PKD1: variants seen among roughly 807,000 people sequenced by gnomAD.
PKD1 encodes polycystin-1.
In PKD1, 81 loss-of-function variants were observed where a neutral mutation model predicts 361.7. That is an observed-to-expected ratio of 0.22 (90% CI 0.19 to 0.27). The LOEUF (loss-of-function observed/expected upper bound fraction) is 0.27. Among genes scored for constraint, PKD1 ranks in the 10% least tolerant of loss-of-function variants. The pLI is 1.00. For synonymous variants in PKD1, 3,615 were observed against 2,818.3 expected (o/e 1.28, Z -8.95); for missense variants, 6,399 against 6,118.3 (o/e 1.05, Z -1.53).
chr16:2,093,526 G>C lies in PKD1; in HGVS notation c.11016+18C>G, dbSNP rs1272485690. 3 of 1,585,396 alleles carry C rather than the reference G, an allele frequency of 1.9e-6. No individual in the cohort carries two copies. The Admixed American group carries it at 5.3e-5, about 28-fold the overall frequency. On this transcript the variant is annotated intron_variant, in intron 37 of 45. Coordinates refer to ENST00000262304, the MANE Select transcript of PKD1 (RefSeq NM_001009944.3). ...AAGAGACGGAGGTGGCAGGGGCACAGGCCGCACCCAGGCTCACCCGCAGCA... is the reference window on the plus strand; with the variant it reads ...AAGAGACGGAGGTGGCAGGGGCACACGCCGCACCCAGGCTCACCCGCAGCA...
intron 38 of PKD1, 49 bp from the exon 39 acceptor site, chr16:2,092,641 C>T: frequency 7.5e-7 from 1 of 1,334,242 alleles, no homozygotes; most frequent in Admixed American, 1.9e-5. Context: ...CCCATGCCCG[C>T]CTCGAGTGAG....
rs2091471365 is a variant in PKD1 at position 2,090,756 on chromosome 16, A to G, written c.12056T>C (p.Leu4019Ser). Reference sequence around the variant, plus strand: ...CAGGAGCTCTGGCAGAGCTCGGCATAATGTCTTGCCAAAGACGGACCACTG... The same window carrying G: ...CAGGAGCTCTGGCAGAGCTCGGCATGATGTCTTGCCAAAGACGGACCACTG... Reference protein sequence around the residue: ...VRQWSVFGKTLCRALPELLGV... With the variant: ...VRQWSVFGKTSCRALPELLGV... The change falls in exon 44 of 46, where the codon TTA becomes TCA. Residue 4019 changes from leucine to serine, a missense_variant. Leu to Ser is a moderately radical substitution (Grantham distance 145, BLOSUM62 -2). Transcript: ENST00000262304. 6.2e-7 allele frequency: 1 copy of G among 1,612,568 alleles called. No homozygotes were observed. The highest frequency in any genetic ancestry group is 8.5e-7 in the Non-Finnish European group (1 of 1,179,938).
At chr16:2,091,931 G>A (rs1220005272) in intron 40 of PKD1, 25 bp from the exon 41 acceptor site, 8 of 1,611,452 alleles carry the variant, frequency 5.0e-6, no homozygotes, top group South Asian at 2.2e-5. Context: ...TGGCGTGGGT[G>A]CCGCACCCCA....
chr16:2,109,457 G>C lies in PKD1; in HGVS notation c.5710C>G (p.Leu1904Val). The C allele has an allele frequency of 8.1e-6, 13 of 1,607,476 alleles. No individual in the cohort carries two copies. Among genetic ancestry groups the C allele is most frequent in the Non-Finnish European group, 1.1e-5 (13 of 1,179,506 alleles). The part of the protein sequence containing the change: ...ASSKVVAPGQ[L>V]VHFQILLAAG... ...GCCAGCAGGATCTGAAAATGGACCA[G>C]CTGCCCGGGCGCCACCACCTTGCTG... Residue 1904 changes from leucine (L) to valine (V), a missense_variant, in exon 15 of 46, where the codon CTG (leucine) becomes GTG (valine). Coordinates refer to ENST00000262304, the MANE Select transcript of PKD1 (RefSeq NM_001009944.3).
intron 34 of PKD1, chr16:2,095,350 T>C (rs1183230407): frequency 6.6e-6 from 1 of 152,114 alleles, no homozygotes; most frequent in African/African-American, 2.4e-5. Flanking sequence ...GAGGCAGACT[T>C]TGCAGTGAGC....
At position 2,110,333 on chromosome 16, in the gene PKD1, T is replaced by A. The variant is rs1181800778; in HGVS notation, c.4834A>T (p.Thr1612Ser). The A allele has an allele frequency of 1.9e-6, 3 of 1,612,454 alleles. No homozygotes were observed. Among genetic ancestry groups the A allele is most frequent in the African/African-American group, 2.7e-5 (2 of 74,892 alleles). Residue 1612 changes from threonine (T) to serine (S), a missense_variant, in exon 15 of 46, where the codon ACG becomes TCG. Transcript: ENST00000262304. Reference sequence around the variant, plus strand: ...GCGGAGCCCACCTCGTTCTCAGCCGTGACGATGATATTGAAGGTGCCCACG... The same window carrying A: ...GCGGAGCCCACCTCGTTCTCAGCCGAGACGATGATATTGAAGGTGCCCACG... ...RSVGTFNIIV[T>S]AENEVGSAQD...
intron 1 of PKD1, among the ~76,000 whole-genome samples, chr16:2,124,367 C>T (rs1173077234): frequency 6.6e-6 from 1 of 152,252 alleles, no homozygotes; most frequent in Non-Finnish European, 1.5e-5. Flanking sequence ...GGCGCTGGCT[C>T]TCCTGCCCTC....
At chr16:2,101,477 T>C (rs1428476189) in intron 26 of PKD1, among the ~76,000 whole-genome samples, 1 of 151,846 alleles carries the variant, frequency 6.6e-6, no homozygotes, top group South Asian at 2.1e-4. Flanking sequence ...ATTAACTGGG[T>C]GTGGTGGTGT....
chr16:2,124,621 T>A (rs2092770814), intron 1 of PKD1, among the ~76,000 whole-genome samples: 1 of 152,148 alleles, frequency 6.6e-6, no homozygotes, highest in Non-Finnish European at 1.5e-5. Flanking sequence ...AGTCTCACAC[T>A]CAGAGCTGAG....
At position 2,090,599 on chromosome 16, in the gene PKD1, A is replaced by T. The variant is rs1224420804; in HGVS notation, c.12139-9T>A. 6.2e-7 allele frequency: 1 copy of T among 1,608,532 alleles called. No homozygotes were observed. The highest frequency in any genetic ancestry group is 1.3e-5 in the African/African-American group (1 of 75,000). ...ACACAGGAAGACACGAGCTGCGGGG[A>T]AGGCGACACCAGTGAGGGCGTACAG... On this transcript the variant is annotated splice_polypyrimidine_tract_variant and intron_variant, in intron 44 of 45. Coordinates refer to ENST00000262304, the MANE Select transcript of PKD1 (RefSeq NM_001009944.3).
Position 2,108,352 on chromosome 16 carries a change from C to T in PKD1, c.6815G>A (p.Arg2272Gln), listed in dbSNP as rs766392712. The T allele has an allele frequency of 5.5e-5, 88 of 1,609,468 alleles. No individual in the cohort carries two copies. Among genetic ancestry groups the T allele is most frequent in the Middle Eastern group, 2.2e-4 (1 of 4,448 alleles). ...CTCGCTCCCATCCAGCACCAGGTCC[C>T]GTGTGTCTGACCACACGCGGTATGA... ...GGSYRVWSDT[R>Q]DLVLDGSESY... The change falls in exon 15 of 46, where the codon CGG becomes CAG. Residue 2272 changes from arginine to glutamine, a missense_variant. Physicochemically the swap from Arg to Gln is conservative, Grantham distance 43. Coordinates refer to ENST00000262304, the MANE Select transcript of PKD1 (RefSeq NM_001009944.3).
chr16:2,120,521 G>A (rs2092704159), intron 1 of PKD1, among the ~76,000 whole-genome samples: 1 of 152,124 alleles, frequency 6.6e-6, no homozygotes, highest in African/African-American at 2.4e-5. Flanking sequence ...GGACAGCATA[G>A]CAAGACCCCA....
Position 2,100,940 on chromosome 16 carries a change from A to C in PKD1, c.9398-374T>G, listed in dbSNP as rs2092070749. On this transcript the variant is annotated intron_variant, in intron 26 of 45. Coordinates refer to ENST00000262304, the MANE Select transcript of PKD1 (RefSeq NM_001009944.3). The surrounding 1 kb of genome is among the most constrained non-coding windows in gnomAD (Gnocchi z 4.4). Reference sequence around the variant, plus strand: ...GTTCATGCACAGACTGCAAAGCGTGAAGCTGTGTCACCTCCTCTCCCAGTG... The same window carrying C: ...GTTCATGCACAGACTGCAAAGCGTGCAGCTGTGTCACCTCCTCTCCCAGTG... Among the ~76,000 whole-genome samples, 1 of 152,028 alleles carries C rather than the reference A, an allele frequency of 6.6e-6. No individual in the cohort carries two copies. The highest frequency in any genetic ancestry group is 1.5e-5 in the Non-Finnish European group (1 of 68,012).
chr16:2,103,000 G>A (rs1156433454), intron 23 of PKD1, 30 bp from the exon 24 acceptor site: 2 of 1,598,602 alleles, frequency 1.3e-6, no homozygotes, highest in Non-Finnish European at 8.5e-7. Flanking sequence ...TCACACGCCT[G>A]CCGGGAAGCT....
At chr16:2,101,683 A>G (rs1310053149) in intron 26 of PKD1, among the ~76,000 whole-genome samples, 2 of 152,246 alleles carry the variant, frequency 1.3e-5, no homozygotes, top group East Asian at 3.8e-4. Context: ...AGGAAAATGG[A>G]GGTACTGAAG....
At position 2,104,481 on chromosome 16, in the gene PKD1, G is replaced by A. The variant is rs772619663; in HGVS notation, c.8161+17C>T. On this transcript the variant is annotated intron_variant, in intron 22 of 45. Coordinates refer to ENST00000262304, the MANE Select transcript of PKD1 (RefSeq NM_001009944.3). ...CGCACGGGGCGGGCGGGTGGCATGGGGCACGGGCCGCGGCACCTGTGATGT... is the reference window on the plus strand; with the variant it reads ...CGCACGGGGCGGGCGGGTGGCATGGAGCACGGGCCGCGGCACCTGTGATGT... 8.7e-6 allele frequency: 13 copies of A among 1,501,232 alleles called. No individual in the cohort carries two copies. Among genetic ancestry groups the A allele is most frequent in the Admixed American group, 1.9e-5 (1 of 51,528 alleles). The allele number at this position is 1,501,232 out of a possible 1,614,324, so 93.0% of individuals were successfully genotyped here. A position where few individuals can be genotyped will look rare whatever the true frequency, so the allele number is the denominator to read the frequency against.
At chr16:2,128,737 C>T (rs904322807) in intron 1 of PKD1, among the ~76,000 whole-genome samples, 7 of 152,178 alleles carry the variant, frequency 4.6e-5, no homozygotes, top group African/African-American at 1.7e-4. Flanking sequence ...CAGAGTTTCA[C>T]TCTGTCTCCC....
At chr16:2,105,195 G>A (rs1009108203) in intron 21 of PKD1, 127 bp downstream of exon 21, 32 of 896,260 alleles carry the variant, frequency 3.6e-5, no homozygotes, top group African/African-American at 2.2e-4. Flanking sequence ...ACCGAGGAAC[G>A]CCATGGCAGG....
chr16:2,111,571 C>T lies in PKD1; in HGVS notation c.3596G>A (p.Gly1199Asp), dbSNP rs1180647690. ...GCGCACATCCGCCTGGGCCGCCGCA[C>T]CGCTCACCGTGTTGTTGACCTCCAG... ...VRLEVNNTVSGAAAQADVRVF... is the reference protein window; with the variant it reads ...VRLEVNNTVSDAAAQADVRVF... The change falls in exon 15 of 46, where the codon GGT (glycine) becomes GAT (aspartate). Residue 1199 changes from glycine to aspartate, a missense_variant. Coordinates refer to ENST00000262304, the MANE Select transcript of PKD1 (RefSeq NM_001009944.3). 3 of 1,578,062 alleles carry T rather than the reference C, an allele frequency of 1.9e-6. No individual in the cohort carries two copies. Among genetic ancestry groups the T allele is most frequent in the Admixed American group, 1.8e-5 (1 of 54,826 alleles).
Sources: allele counts gnomAD v4.1 joint callset (sites outside exome capture counted in the v4.1 genomes callset), GRCh38; gene constraint gnomAD v4.1.1; non-coding constraint Gnocchi (gnomAD v3.1); transcripts MANE v1.5; gene names NCBI Gene and HGNC (gene_info 2026-07-23, HGNC 2026-07-21).